RBM47: variants seen among roughly 807,000 people sequenced by gnomAD.
RBM47 encodes the protein RNA binding motif protein 47.
RBM47 carries 21 observed loss-of-function variants against 47.1 expected under a neutral mutation model. The ratio of observed to expected loss-of-function variants is 0.45; its 90% CI spans 0.32 to 0.64. The LOEUF is 0.64. RBM47 is among the 30% of genes least tolerant of loss of function. The probability of loss-of-function intolerance (pLI) is 0.05; values close to 1 mark genes in which losing one functional copy is unlikely to be tolerated. For synonymous variants in RBM47, 375 were observed against 361.7 expected (o/e 1.04, Z -0.42); for missense variants, 708 against 870.9 (o/e 0.81, Z 2.35).
At chr4:40,560,996 CT>C (rs1262037510) in intron 1 of RBM47, among the ~76,000 whole-genome samples, 1 of 151,822 alleles carries the variant, frequency 6.6e-6, no homozygotes, top group Non-Finnish European at 1.5e-5. Context: ...CTGCTATTCC[CT>C]TTTCTCTCAC....
chr4:40,462,383 C>T (rs980617018), intron 3 of RBM47, among the ~76,000 whole-genome samples: 4 of 152,096 alleles, frequency 2.6e-5, no homozygotes, highest in Non-Finnish European at 5.9e-5. Context: ...TCTTCTATAG[C>T]CCACAATTCC....
chr4:40,471,222 C>G (rs545205925), intron 2 of RBM47, among the ~76,000 whole-genome samples: 1 of 152,108 alleles, frequency 6.6e-6, no homozygotes, highest in Admixed American at 6.6e-5. Flanking sequence ...GGTTGTTACC[C>G]GTACACTGAA....
At chr4:40,620,483 C>T (rs374889913) in intron 1 of RBM47, among the ~76,000 whole-genome samples, 30 of 151,734 alleles carry the variant, frequency 2.0e-4, no homozygotes, top group East Asian at 1.9e-3. Context: ...CCAGCCTGGG[C>T]GATAACAGCA....
At chr4:40,509,667 G>A (rs1201082585) in intron 2 of RBM47, among the ~76,000 whole-genome samples, 1 of 151,802 alleles carries the variant, frequency 6.6e-6, no homozygotes, top group Non-Finnish European at 1.5e-5. Flanking sequence ...GGATCACGAG[G>A]TCAGGAGATC....
At chr4:40,511,241 C>A (rs73147507) in intron 2 of RBM47, among the ~76,000 whole-genome samples, 1 of 152,164 alleles carries the variant, frequency 6.6e-6, no homozygotes, top group African/African-American at 2.4e-5. Context: ...CTTAACAAAG[C>A]CATACAGCTC....
chr4:40,614,745 C>A (rs374502512), intron 1 of RBM47, among the ~76,000 whole-genome samples: 2 of 152,130 alleles, frequency 1.3e-5, no homozygotes, highest in African/African-American at 4.8e-5. Context: ...ATGGAAAGAT[C>A]ACTTGAGCCT....
intron 2 of RBM47, among the ~76,000 whole-genome samples, chr4:40,540,682 T>C (rs1398506847): frequency 6.8e-6 from 1 of 145,986 alleles, no homozygotes; most frequent in African/African-American, 2.5e-5. Flanking sequence ...TAATAATAAA[T>C]GGGGAATAAT....
At chr4:40,626,744 T>G (rs1174168634) in intron 1 of RBM47, among the ~76,000 whole-genome samples, 1 of 152,072 alleles carries the variant, frequency 6.6e-6, no homozygotes, top group African/African-American at 2.4e-5. Context: ...GGGAAGCAAC[T>G]ATGAGAGAAA....
At chr4:40,532,309 A>ATTT (rs34850081) in intron 2 of RBM47, among the ~76,000 whole-genome samples, 56 of 65,780 alleles carry the variant, frequency 8.5e-4, no homozygotes, top group East Asian at 2.2e-3. Context: ...CACGCCCGGC[A>ATTT]TTTTTTTTTT....
chr4:40,623,761 C>CT (rs1159621781), intron 1 of RBM47, among the ~76,000 whole-genome samples: 1 of 152,054 alleles, frequency 6.6e-6, no homozygotes. Context: ...AAAAAATGCA[C>CT]TTTTTTCCTC....
chr4:40,497,447 C>T (rs1450509546), intron 2 of RBM47, among the ~76,000 whole-genome samples: 1 of 149,450 alleles, frequency 6.7e-6, no homozygotes, highest in African/African-American at 2.5e-5. Flanking sequence ...GTGGGACCCC[C>T]TTCTCTTCAA....
chr4:40,533,135 C>T (rs1008489264), intron 2 of RBM47, among the ~76,000 whole-genome samples: 6 of 152,140 alleles, frequency 3.9e-5, no homozygotes, highest in Admixed American at 2.0e-4. Flanking sequence ...CTAGGGAATA[C>T]AGATTATGCT....
At chr4:40,612,443 C>T (rs1018299364) in intron 1 of RBM47, among the ~76,000 whole-genome samples, 1 of 152,140 alleles carries the variant, frequency 6.6e-6, no homozygotes, top group Admixed American at 6.5e-5. Flanking sequence ...ACCCAGGAGG[C>T]GGAGGTTGCA....
intron 2 of RBM47, among the ~76,000 whole-genome samples, chr4:40,497,041 C>CAA (rs10631036): frequency 0.51 from 58,146 of 114,228 alleles, 14,388 homozygotes; most frequent in Middle Eastern, 0.65. Context: ...AACTCCATCT[C>CAA]AAAAAAAAAA....
chr4:40,550,088 G>C (rs958400648), intron 1 of RBM47, among the ~76,000 whole-genome samples: 9 of 152,158 alleles, frequency 5.9e-5, no homozygotes, highest in Admixed American at 2.6e-4. Context: ...CACCACCACA[G>C]CCACAAAGGG....
chr4:40,629,875 C>A (rs1387175064), upstream of RBM47: 1 of 152,272 alleles, frequency 6.6e-6, no homozygotes, highest in Non-Finnish European at 1.5e-5. Flanking sequence ...GCGGGCCCTT[C>A]CCGGTTCCCT....
intron 2 of RBM47, among the ~76,000 whole-genome samples, chr4:40,486,893 C>T (rs6844880): frequency 0.13 from 19,959 of 152,134 alleles, 2,138 homozygotes; most frequent in African/African-American, 0.29. Flanking sequence ...AATGTGCAAA[C>T]ATTTTTAGCC....
At chr4:40,563,574 A>T (rs769182814) in intron 1 of RBM47, among the ~76,000 whole-genome samples, 4 of 152,220 alleles carry the variant, frequency 2.6e-5, no homozygotes, top group Non-Finnish European at 5.9e-5. Flanking sequence ...AAGGTCACAC[A>T]GTGGTCAGTT....
chr4:40,444,573 G>A (rs1043767184), intron 3 of RBM47, among the ~76,000 whole-genome samples: 11 of 152,148 alleles, frequency 7.2e-5, no homozygotes, highest in Admixed American at 4.6e-4. Flanking sequence ...GTGGAAGAGC[G>A]CATCCTTGAA....
Sources: allele counts gnomAD v4.1 joint callset (sites outside exome capture counted in the v4.1 genomes callset), GRCh38; gene constraint gnomAD v4.1.1; transcripts MANE v1.5; gene names NCBI Gene and HGNC (gene_info 2026-07-23, HGNC 2026-07-21).